The following SLCO1A2 variants were observed in gnomAD, a reference collection of about 807,000 sequenced individuals.
The protein encoded by SLCO1A2 is solute carrier organic anion transporter family member 1A2, also known as OATP-1.
In SLCO1A2, 67 loss-of-function variants were observed where a neutral mutation model predicts 69.0. That is an observed-to-expected ratio of 0.97 (90% CI 0.80 to 1.19). The LOEUF (loss-of-function observed/expected upper bound fraction) is 1.19. SLCO1A2 is among the 50% of genes most tolerant of loss of function. The pLI, the probability that SLCO1A2 is intolerant of heterozygous loss-of-function variation, is 0.00. For synonymous variants in SLCO1A2, 260 were observed against 265.9 expected, an observed-to-expected ratio of 0.98 and a Z score of 0.22; for missense variants, 787 against 793.7, an observed-to-expected ratio of 0.99 and a Z score of 0.10.
chr12:21,270,815 C>CTTTT (rs1403083309), intron 14 of SLCO1A2, among the ~76,000 whole-genome samples: 1 of 148,974 alleles, frequency 6.7e-6, no homozygotes, highest in Non-Finnish European at 1.5e-5. Context: ...CTTATATTAG[C>CTTTT]TTTTTCATCC....
chr12:21,377,767 G>T (rs1940308953), intron 1 of SLCO1A2, among the ~76,000 whole-genome samples: 2 of 152,082 alleles, frequency 1.3e-5, no homozygotes, highest in African/African-American at 4.8e-5. Flanking sequence ...TAACACTCCT[G>T]ATTCAATTAT....
In SLCO1A2 at chr12:21,378,354, A is replaced by G. The variant is rs1940361568; in HGVS notation, c.-189-3829T>C. 15 of 1,614,192 alleles carry G rather than the reference A, an allele frequency of 9.3e-6. No individual in the cohort carries two copies. In the East Asian group the frequency reaches 3.3e-4, roughly 36 times the overall value. ...CCATTCTCTCATCTACCAACGTGGG[A>G]TCCAATACATATGGCAAGAGGAATG... On this transcript the variant is annotated intron_variant, in intron 1 of 15. Transcript: ENST00000307378.
intron 1 of SLCO1A2, among the ~76,000 whole-genome samples, chr12:21,406,516 GT>G (rs1402811104): frequency 5.9e-5 from 9 of 152,178 alleles, no homozygotes; most frequent in Non-Finnish European, 1.2e-4. Context: ...CGGCAGGATT[GT>G]TTTCTATTCT....
At chr12:21,311,048 G>A (rs762867420) in intron 4 of SLCO1A2, among the ~76,000 whole-genome samples, 3 of 152,148 alleles carry the variant, frequency 2.0e-5, no homozygotes, top group Non-Finnish European at 4.4e-5. Context: ...AGTTTTCACA[G>A]GCTCTTCATC....
intron 1 of SLCO1A2, chr12:21,403,585 T>C (rs987926678): frequency 6.6e-6 from 1 of 151,860 alleles, no homozygotes; most frequent in Non-Finnish European, 1.5e-5. Context: ...AAAGAATCTT[T>C]GTTTATGTAA....
chr12:21,289,046 A>G (rs1274272153), intron 12 of SLCO1A2, among the ~76,000 whole-genome samples: 1 of 151,942 alleles, frequency 6.6e-6, no homozygotes, highest in Admixed American at 6.6e-5. Context: ...AAATTTAAAT[A>G]TATTTAAAAT....
intron 2 of SLCO1A2, among the ~76,000 whole-genome samples, chr12:21,371,859 A>G (rs1939819401): frequency 6.6e-6 from 1 of 151,950 alleles, no homozygotes; most frequent in African/African-American, 2.4e-5. Flanking sequence ...AAAATTAGCC[A>G]TACATGGTGA....
intron 12 of SLCO1A2, among the ~76,000 whole-genome samples, chr12:21,277,031 G>T (rs569778064): frequency 2.0e-5 from 3 of 152,310 alleles, no homozygotes; most frequent in Non-Finnish European, 2.9e-5. Context: ...ATGGACTTGG[G>T]AGTCACTTCC....
rs542201678 is a variant in SLCO1A2 at position 21,407,936 on chromosome 12, T to C, written c.-312+9946A>G. Among the ~76,000 whole-genome samples the C allele has an allele frequency of 4.6e-5, 7 of 152,096 alleles. No homozygotes were observed. In the South Asian group the frequency reaches 8.3e-4, roughly 18 times the overall value. Reference sequence around the variant, plus strand: ...CCAGGCAAGATATGGTCAATGGGTATAAGTTTGGTGCAACTGACAGTAAAA... The same window carrying C: ...CCAGGCAAGATATGGTCAATGGGTACAAGTTTGGTGCAACTGACAGTAAAA... On this transcript the variant is annotated intron_variant, in intron 1 of 4. Coordinates refer to the SLCO1A2 transcript ENST00000413682.
intron 2 of SLCO1A2, among the ~76,000 whole-genome samples, chr12:21,358,199 T>C (rs1176311611): frequency 1.3e-5 from 2 of 152,250 alleles, no homozygotes; most frequent in Non-Finnish European, 2.9e-5. Flanking sequence ...AACTCTAGAT[T>C]GTTCTCTGGC....
chr12:21,279,293 T>C (rs1466943856), intron 12 of SLCO1A2, among the ~76,000 whole-genome samples: 2 of 152,116 alleles, frequency 1.3e-5, no homozygotes, highest in Non-Finnish European at 2.9e-5. Flanking sequence ...AGAAAGATTA[T>C]TCAAAGGGAT....
intron 14 of SLCO1A2, among the ~76,000 whole-genome samples, chr12:21,273,722 G>A (rs1158378444): frequency 6.6e-6 from 1 of 152,122 alleles, no homozygotes; most frequent in Non-Finnish European, 1.5e-5. Context: ...GGGAGCTCTG[G>A]GGGAAAGGGG....
chr12:21,294,159 C>T, intron 10 of SLCO1A2, 49 bp from the exon 11 acceptor site: 2 of 1,375,896 alleles, frequency 1.5e-6, no homozygotes, highest in African/African-American at 1.5e-5. Context: ...GGATTCAATC[C>T]TTTTTTTCTT....
At chr12:21,400,986 C>A (rs952446814) in intron 1 of SLCO1A2, among the ~76,000 whole-genome samples, 4 of 150,418 alleles carry the variant, frequency 2.7e-5, no homozygotes, top group African/African-American at 9.8e-5. Context: ...ATGTAACTAA[C>A]CTGCACAATG....
At chr12:21,392,871 C>T (rs186169479) in intron 1 of SLCO1A2, among the ~76,000 whole-genome samples, 2 of 152,146 alleles carry the variant, frequency 1.3e-5, no homozygotes, top group African/African-American at 2.4e-5. Flanking sequence ...GAAAAGCCAA[C>T]CTCTCTGAAA....
At chr12:21,313,984 A>AT (rs993349438) in intron 4 of SLCO1A2, among the ~76,000 whole-genome samples, 3 of 114,780 alleles carry the variant, frequency 2.6e-5, no homozygotes, top group Admixed American at 1.7e-4. Flanking sequence ...ATAAATAATA[A>AT]AAAAAAAAAA....
At chr12:21,418,548 C>T (rs554384431), upstream of SLCO1A2, among the ~76,000 whole-genome samples, 120 of 152,200 alleles carry the variant, frequency 7.9e-4, no homozygotes, top group Middle Eastern at 3.4e-3. Flanking sequence ...TCTTAGATTG[C>T]GGCAGACAAG....
intron 1 of SLCO1A2, among the ~76,000 whole-genome samples, chr12:21,400,577 T>C (rs372684431): frequency 1.6e-4 from 24 of 151,948 alleles, no homozygotes; most frequent in Non-Finnish European, 2.8e-4. Flanking sequence ...CACATGCACA[T>C]GTATGTTTAT....
In SLCO1A2 at chr12:21,318,770, A is replaced by T; in HGVS notation, c.202+12T>A. On this transcript the variant is annotated intron_variant, in intron 3 of 14. Coordinates refer to ENST00000683939, the MANE Select transcript of SLCO1A2 (RefSeq NM_001386879.1). ...AAATACAAAAAGAAGAAATGCAAAA[A>T]TAATTCATTACCAATCTCAAAGCTT... 1 of 1,587,766 alleles carries T rather than the reference A, an allele frequency of 6.3e-7. No individual in the cohort carries two copies. Among genetic ancestry groups the T allele is most frequent in the Non-Finnish European group, 8.5e-7 (1 of 1,171,774 alleles).
Sources: allele counts gnomAD v4.1 joint callset (sites outside exome capture counted in the v4.1 genomes callset), GRCh38; gene constraint gnomAD v4.1.1; transcripts MANE v1.5; gene names NCBI Gene and HGNC (gene_info 2026-07-23, HGNC 2026-07-21).